Variants in DSCAM observed in about 807,000 individuals in gnomAD.
The protein encoded by DSCAM is DS cell adhesion molecule.
DSCAM carries 47 observed loss-of-function variants against 217.7 expected under a neutral mutation model. The observed-to-expected ratio is 0.22, with a 90% CI of 0.17 to 0.28. DSCAM has a LOEUF of 0.28. Ranked by LOEUF, DSCAM falls within the 10% of genes least tolerant of loss-of-function variation. The pLI is 1.00. For missense variants in DSCAM, 2,080 were observed against 2,618.3 expected (o/e 0.79, Z 4.49); for synonymous variants, 1,056 against 1,015.3 (o/e 1.04, Z -0.76).
Position 40,632,058 on chromosome 21 carries a change from G to A in DSCAM, c.508+60752C>T, listed in dbSNP as rs145649644. Among the ~76,000 whole-genome samples the A allele has an allele frequency of 5.5e-3, 831 of 152,290 alleles. 9 individuals are homozygous for A. Among genetic ancestry groups the A allele is most frequent in the African/African-American group, 0.019 (784 of 41,558 alleles). On this transcript the variant is annotated intron_variant, in intron 3 of 32. Coordinates refer to ENST00000400454, the MANE Select transcript of DSCAM (RefSeq NM_001389.5). ...AGCACGCGTCCACGCAGTTGAAGAGGGCATCCTTTTACAGCTCTGAGTTTG... is the reference window on the plus strand; with the variant it reads ...AGCACGCGTCCACGCAGTTGAAGAGAGCATCCTTTTACAGCTCTGAGTTTG...
intron 3 of DSCAM, among the ~76,000 whole-genome samples, chr21:40,422,646 A>G (rs910230659): frequency 1.3e-5 from 2 of 149,806 alleles, no homozygotes; most frequent in African/African-American, 5.1e-5. Context: ...CGTCTCAATA[A>G]CAACAACAAA....
chr21:40,616,409 G>C (rs1399378585), intron 3 of DSCAM, among the ~76,000 whole-genome samples: 1 of 152,130 alleles, frequency 6.6e-6, no homozygotes, highest in Admixed American at 6.5e-5. Flanking sequence ...CATGATTTAC[G>C]GTGGTCACGT....
At chr21:40,660,495 C>T (rs1238750860) in intron 3 of DSCAM, among the ~76,000 whole-genome samples, 1 of 152,142 alleles carries the variant, frequency 6.6e-6, no homozygotes, top group Non-Finnish European at 1.5e-5. Context: ...AAAGTATTTT[C>T]ATGATTCACC....
chr21:40,817,242 C>T (rs763665070), intron 1 of DSCAM, among the ~76,000 whole-genome samples: 3 of 152,128 alleles, frequency 2.0e-5, no homozygotes, highest in East Asian at 1.9e-4. Flanking sequence ...TTACACTCTC[C>T]CCCGTTTGTA....
intron 3 of DSCAM, among the ~76,000 whole-genome samples, chr21:40,463,554 G>A (rs1327846194): frequency 6.6e-6 from 1 of 152,066 alleles, no homozygotes; most frequent in Non-Finnish European, 1.5e-5. Flanking sequence ...ACTGAAACTT[G>A]GGCATCCTCT....
At chr21:40,554,495 T>C (rs772342966) in intron 3 of DSCAM, among the ~76,000 whole-genome samples, 1 of 152,150 alleles carries the variant, frequency 6.6e-6, no homozygotes, top group Non-Finnish European at 1.5e-5. Flanking sequence ...TTTGGGGAAA[T>C]GAGCCAATTT....
intron 32 of DSCAM, among the ~76,000 whole-genome samples, chr21:40,033,893 G>A (rs991871312): frequency 1.3e-3 from 167 of 130,390 alleles, no homozygotes; most frequent in Middle Eastern, 3.8e-3. Context: ...CAGCCTAACT[G>A]GGAGGCACCC....
intron 16 of DSCAM, among the ~76,000 whole-genome samples, chr21:40,153,135 G>A (rs1411481933): frequency 6.6e-6 from 1 of 152,188 alleles, no homozygotes; most frequent in African/African-American, 2.4e-5. Context: ...GTTTTCTGCA[G>A]CCTCCCCTTA....
chr21:40,759,510 G>C (rs1291046023), intron 1 of DSCAM, among the ~76,000 whole-genome samples: 1 of 152,142 alleles, frequency 6.6e-6, no homozygotes, highest in Non-Finnish European at 1.5e-5. Flanking sequence ...CATATCCCTG[G>C]GGGCAGCCTG....
intron 3 of DSCAM, among the ~76,000 whole-genome samples, chr21:40,557,686 C>A (rs1485741698): frequency 6.6e-6 from 1 of 152,168 alleles, no homozygotes. Flanking sequence ...TTCTCTTCTG[C>A]TTTTTGTCAT....
intron 11 of DSCAM, among the ~76,000 whole-genome samples, chr21:40,274,503 T>C (rs1466491888): frequency 1.3e-5 from 2 of 152,206 alleles, no homozygotes; most frequent in Non-Finnish European, 2.9e-5. Context: ...GACTAAAAAA[T>C]TGTCTTATGC....
chr21:40,031,091 G>T (rs1184941830), intron 32 of DSCAM, among the ~76,000 whole-genome samples: 2 of 152,106 alleles, frequency 1.3e-5, no homozygotes, highest in Non-Finnish European at 2.9e-5. Context: ...TGATTCTCTT[G>T]TCTGACTTCT....
chr21:40,405,017 A>C (rs1046702351), intron 3 of DSCAM, among the ~76,000 whole-genome samples: 6 of 152,122 alleles, frequency 3.9e-5, no homozygotes, highest in African/African-American at 1.4e-4. Flanking sequence ...ATTCAAGTTG[A>C]GCTATTTTGG....
At chr21:40,403,662 C>CAA (rs1555914019) in intron 3 of DSCAM, among the ~76,000 whole-genome samples, 1 of 141,812 alleles carries the variant, frequency 7.1e-6, no homozygotes, top group African/African-American at 2.5e-5. Flanking sequence ...CACACACACA[C>CAA]AATACACATG....
intron 4 of DSCAM, among the ~76,000 whole-genome samples, chr21:40,355,716 T>C (rs1019278890): frequency 2.0e-5 from 3 of 152,162 alleles, no homozygotes; most frequent in African/African-American, 7.2e-5. Context: ...GTGAGAAAAA[T>C]GCCATGACTC....
At chr21:40,727,911 C>T (rs2090973669) in intron 1 of DSCAM, among the ~76,000 whole-genome samples, 1 of 152,152 alleles carries the variant, frequency 6.6e-6, no homozygotes, top group African/African-American at 2.4e-5. Flanking sequence ...TCCTTGTCGT[C>T]TCTAGACCAC....
At chr21:40,072,657 A>C (rs2089313357) in intron 27 of DSCAM, among the ~76,000 whole-genome samples, 1 of 152,146 alleles carries the variant, frequency 6.6e-6, no homozygotes, top group Non-Finnish European at 1.5e-5. Context: ...CTCTCCTGTC[A>C]GATTCTTGAT....
intron 2 of DSCAM, among the ~76,000 whole-genome samples, chr21:40,702,433 C>T (rs956919396): frequency 1.3e-5 from 2 of 152,112 alleles, no homozygotes; most frequent in Non-Finnish European, 2.9e-5. Flanking sequence ...TGTGGCTATT[C>T]TAGCTTTCTT....
At chr21:40,353,436 C>T (rs1382922540) in intron 5 of DSCAM, 29 bp downstream of exon 5, 2 of 1,588,630 alleles carry the variant, frequency 1.3e-6, no homozygotes, top group Non-Finnish European at 1.7e-6. Context: ...GAAGCCAACA[C>T]CACCTTTGCA....
Sources: allele counts gnomAD v4.1 joint callset (sites outside exome capture counted in the v4.1 genomes callset), GRCh38; gene constraint gnomAD v4.1.1; transcripts MANE v1.5; gene names NCBI Gene and HGNC (gene_info 2026-07-23, HGNC 2026-07-21).